Variants in SLC30A4 observed in about 807,000 individuals in gnomAD.
The protein encoded by SLC30A4 is solute carrier family 30 member 4, also known as probable proton-coupled zinc antiporter SLC30A4.
Under a neutral mutation model 41.7 loss-of-function variants are expected in SLC30A4, and 20 were observed. The ratio of observed to expected loss-of-function variants is 0.48; its 90% CI spans 0.34 to 0.70. The LOEUF (loss-of-function observed/expected upper bound fraction) is 0.70. SLC30A4 is among the 30% of genes least tolerant of loss of function. The pLI is 0.01. For missense variants in SLC30A4, 441 were observed against 529.3 expected (o/e 0.83, Z 1.64); for synonymous variants, 181 against 195.9 (o/e 0.92, Z 0.64).
Position 45,490,710 on chromosome 15 carries a change from GA to G in SLC30A4, c.692+17del, listed in dbSNP as rs760308237. 1.6e-5 allele frequency: 25 copies of G among 1,562,240 alleles called. No individual in the cohort carries two copies. Among genetic ancestry groups the G allele is most frequent in the South Asian group, 8.4e-5 (7 of 83,726 alleles). ...TCACAGTACTTGAAAATATTAATGT[GA>G]AAAAAATAGAGCTTACATTACATTA... On this transcript the variant is annotated intron_variant, in intron 4 of 7. Transcript: ENST00000261867.
chr15:45,480,502 T>C lies in SLC30A4; in HGVS notation c.*4661A>G, dbSNP rs1891587069. 6.6e-6 allele frequency: 1 copy of C among 152,232 alleles called. No homozygotes were observed. The highest frequency in any genetic ancestry group is 2.1e-4 in the South Asian group (1 of 4,830). 9.4% of individuals were successfully genotyped at this position (152,232 alleles called of 1,614,324 possible). A position where few individuals can be genotyped will look rare whatever the true frequency, so the allele number is the denominator to read the frequency against. On this transcript the variant is annotated 3_prime_UTR_variant, in exon 8 of 8. Coordinates refer to ENST00000261867, the MANE Select transcript of SLC30A4 (RefSeq NM_013309.6). ...AGATCAGACTTGCCTCCCCTCAACATAGCATATAGTGATGGGTGTTCATTT... is the reference window on the plus strand; with the variant it reads ...AGATCAGACTTGCCTCCCCTCAACACAGCATATAGTGATGGGTGTTCATTT...
chr15:45,487,911 A>AGTGTGTGTGTGTGTGTGT (rs145350286), intron 5 of SLC30A4, among the ~76,000 whole-genome samples: 19 of 137,694 alleles, frequency 1.4e-4, no homozygotes, highest in African/African-American at 5.2e-4. Flanking sequence ...GAAAGAAGTA[A>AGTGTGTGTGTGTGTGTGT]GTGTGTGTGT....
At chr15:45,505,995 C>T (rs898873780) in intron 3 of SLC30A4, among the ~76,000 whole-genome samples, 1 of 152,042 alleles carries the variant, frequency 6.6e-6, no homozygotes, top group Non-Finnish European at 1.5e-5. Flanking sequence ...GCCTGGGAAA[C>T]AGGCTGCAGA....
At chr15:45,517,203 T>C (rs1334177110) in intron 2 of SLC30A4, among the ~76,000 whole-genome samples, 1 of 151,914 alleles carries the variant, frequency 6.6e-6, no homozygotes, top group Non-Finnish European at 1.5e-5. Flanking sequence ...ACTTCTAAAG[T>C]TGGAGTTCCT....
Position 45,522,325 on chromosome 15 carries a change from G to A in SLC30A4, c.30C>T (p.Leu10=). The A allele has an allele frequency of 6.2e-7, 1 of 1,612,960 alleles. No homozygotes were observed. The highest frequency in any genetic ancestry group is 8.5e-7 in the Non-Finnish European group (1 of 1,179,716). MAGSGAWKR[L]KSMLRKDDAP... is the part of the protein sequence containing the mutation. ...CATCATCCTTCCTTAGCATAGATTT[G>A]AGGCGCTTCCACGCGCCAGAGCCGG... is the stretch of plus-strand genomic sequence containing the variant. The change falls in exon 2 of 8, where the codon CTC becomes CTT. Residue 10 remains leucine, a synonymous_variant. Coordinates refer to ENST00000261867, the MANE Select transcript of SLC30A4 (RefSeq NM_013309.6).
intron 3 of SLC30A4, among the ~76,000 whole-genome samples, chr15:45,503,989 G>A (rs1892097268): frequency 6.6e-6 from 1 of 151,888 alleles, no homozygotes; most frequent in African/African-American, 2.4e-5. Context: ...TTAAAAACAA[G>A]AAAAAATAGC....
intron 7 of SLC30A4, among the ~76,000 whole-genome samples, chr15:45,486,380 G>GAGAT (rs1891706854): frequency 6.6e-6 from 1 of 152,108 alleles, no homozygotes; most frequent in South Asian, 2.1e-4. Flanking sequence ...ATATCTCAAA[G>GAGAT]AGATAGAAAA....
rs1891597304 is a variant in SLC30A4, at chr15:45,481,106, T to C, written c.*4057A>G. 6.6e-6 allele frequency: 1 copy of C among 152,238 alleles called. No homozygotes were observed. Among genetic ancestry groups the C allele is most frequent in the Admixed American group, 6.5e-5 (1 of 15,286 alleles). The allele number at this position is 152,238 out of a possible 1,614,324, so 9.4% of individuals were successfully genotyped here. A position where few individuals can be genotyped will look rare whatever the true frequency, so the allele number is the denominator to read the frequency against. The stretch of plus-strand genomic sequence containing the variant: ...GACAAACACTGTCAGGTGGAACACC[T>C]GGGTTCAAAAGGAACACTAAGTCTC... On this transcript the variant is annotated 3_prime_UTR_variant, in exon 8 of 8. Transcript: ENST00000261867.
chr15:45,514,510 A>ATTTT (rs751585996), intron 2 of SLC30A4, among the ~76,000 whole-genome samples: 2 of 124,994 alleles, frequency 1.6e-5, no homozygotes, highest in Admixed American at 8.1e-5. Context: ...TGATATTCCA[A>ATTTT]TTTTTTTTTT....
chr15:45,510,649 T>G (rs1892267776), intron 3 of SLC30A4, among the ~76,000 whole-genome samples: 1 of 152,258 alleles, frequency 6.6e-6, no homozygotes, highest in Non-Finnish European at 1.5e-5. Flanking sequence ...ACATTAAAAT[T>G]TGTTCAAAAC....
chr15:45,495,757 A>T (rs1342903907), intron 3 of SLC30A4, among the ~76,000 whole-genome samples: 1 of 152,164 alleles, frequency 6.6e-6, no homozygotes, highest in African/African-American at 2.4e-5. Context: ...TCTCTATGCC[A>T]CAGTTTTCAC....
chr15:45,499,619 T>A (rs893194937), intron 3 of SLC30A4, among the ~76,000 whole-genome samples: 1 of 152,176 alleles, frequency 6.6e-6, no homozygotes, highest in Non-Finnish European at 1.5e-5. Context: ...AGAATGGCAT[T>A]TCCTCTTTGT....
chr15:45,490,917 A>G, intron 3 of SLC30A4, 36 bp from the exon 4 acceptor site: 1 of 1,453,602 alleles, frequency 6.9e-7, no homozygotes, highest in African/African-American at 1.4e-5. Context: ...ATACATTTTC[A>G]GCATGGTTAC....
intron 7 of SLC30A4, 140 bp downstream of exon 7, chr15:45,486,471 T>G: frequency 1.3e-6 from 1 of 745,858 alleles, no homozygotes. Flanking sequence ...AAAGCCTTTG[T>G]TTTTTAAAGA....
At chr15:45,506,170 G>A (rs2140836081) in intron 3 of SLC30A4, among the ~76,000 whole-genome samples, 2 of 152,256 alleles carry the variant, frequency 1.3e-5, no homozygotes, top group South Asian at 4.1e-4. Flanking sequence ...AGGGGGCTGA[G>A]ATCACGCCAC....
Position 45,483,280 on chromosome 15 carries a change from G to C in SLC30A4, c.*1883C>G, listed in dbSNP as rs1891632636. 6.6e-6 allele frequency: 1 copy of C among 152,106 alleles called. No individual in the cohort carries two copies. The highest frequency in any genetic ancestry group is 2.1e-4 in the South Asian group (1 of 4,832). The allele number at this position is 152,106 out of a possible 1,614,324, so 9.4% of individuals were successfully genotyped here. ...TCTTCATTTATATTGTAAGTCATCT[G>C]CATGCTTATCTAGAATTTCAACTTA... On this transcript the variant is annotated 3_prime_UTR_variant, in exon 8 of 8. Coordinates refer to ENST00000261867, the MANE Select transcript of SLC30A4 (RefSeq NM_013309.6).
Position 45,480,934 on chromosome 15 carries a change from C to T in SLC30A4, c.*4229G>A, listed in dbSNP as rs1307711805. 6.6e-6 allele frequency: 1 copy of T among 152,218 alleles called. No homozygotes were observed. Among genetic ancestry groups the T allele is most frequent in the African/African-American group, 2.4e-5 (1 of 41,446 alleles). The allele number at this position is 152,218 out of a possible 1,614,324, so 9.4% of individuals were successfully genotyped here. ...GCAGAGAAATCTGGATCTGGAACAA[C>T]CAGCCATTTTAAAAAGGTTCTTTCA... On this transcript the variant is annotated 3_prime_UTR_variant, in exon 8 of 8. Coordinates refer to ENST00000261867, the MANE Select transcript of SLC30A4 (RefSeq NM_013309.6).
At chr15:45,488,361 C>T (rs1473532779) in intron 5 of SLC30A4, among the ~76,000 whole-genome samples, 1 of 151,978 alleles carries the variant, frequency 6.6e-6, no homozygotes, top group African/African-American at 2.4e-5. Context: ...TCACTTGAGG[C>T]CAGGAATTCG....
At chr15:45,504,300 G>A (rs1023814861) in intron 3 of SLC30A4, among the ~76,000 whole-genome samples, 2 of 152,076 alleles carry the variant, frequency 1.3e-5, no homozygotes, top group Non-Finnish European at 2.9e-5. Flanking sequence ...TCTCACTTGG[G>A]TGAGAACCCA....
Sources: allele counts gnomAD v4.1 joint callset (sites outside exome capture counted in the v4.1 genomes callset), GRCh38; gene constraint gnomAD v4.1.1; transcripts MANE v1.5; gene names NCBI Gene and HGNC (gene_info 2026-07-23, HGNC 2026-07-21).